Variants in ITGA6 observed in about 807,000 individuals in gnomAD.
The protein encoded by ITGA6 is integrin alpha-6.
ITGA6 carries 63 observed loss-of-function variants against 133.6 expected under a neutral mutation model. The ratio of observed to expected loss-of-function variants is 0.47; its 90% CI spans 0.38 to 0.58. The LOEUF is 0.58. Among genes scored for constraint, ITGA6 ranks in the 20% least tolerant of loss-of-function variants. The pLI is 0.00. For missense variants in ITGA6, 1,068 were observed against 1,309.4 expected (o/e 0.82, Z 2.85); for synonymous variants, 434 against 482.0 (o/e 0.90, Z 1.30).
chr2:172,443,829 G>A (rs79289971), intron 1 of ITGA6, among the ~76,000 whole-genome samples: 54 of 152,250 alleles, frequency 3.5e-4, no homozygotes, highest in African/African-American at 1.2e-3. Flanking sequence ...GCTGGAGTAC[G>A]AGTGGTGCAC....
At chr2:172,455,308 C>T (rs1033203224) in intron 1 of ITGA6, among the ~76,000 whole-genome samples, 1 of 152,208 alleles carries the variant, frequency 6.6e-6, no homozygotes, top group Non-Finnish European at 1.5e-5. Context: ...TGGAGAGTGG[C>T]TCTTACTAAT....
In ITGA6 at chr2:172,469,130, T is replaced by C; in HGVS notation, c.393T>C (p.Cys131=). Residue 131 remains cysteine, a synonymous_variant, in exon 4 of 26, where the codon TGT becomes TGC. Coordinates refer to ENST00000684293, the MANE Select transcript of ITGA6 (RefSeq NM_000210.4). ...TTTCTTCCATCTGCTTGCAGACATG[T>C]GCTCACCGATATGAAAAAAGGCAGC... ...SQGPGGKVVT[C]AHRYEKRQHV... The C allele has an allele frequency of 6.2e-7, 1 of 1,614,168 alleles. No homozygotes were observed. The highest frequency in any genetic ancestry group is 8.5e-7 in the Non-Finnish European group (1 of 1,180,016).
Position 172,456,020 on chromosome 2 carries a change from A to C in ITGA6, c.183-9519A>C, listed in dbSNP as rs189460522. Among the ~76,000 whole-genome samples, 61 of 152,312 alleles carry C rather than the reference A, an allele frequency of 4.0e-4. 1 individual carries two copies. In the East Asian group the frequency reaches 0.011, roughly 28 times the overall value. On this transcript the variant is annotated intron_variant, in intron 1 of 25. Transcript: ENST00000684293. ...AGGCAGGGAAGTGGGGGGACCCTTA[A>C]CTAAAGAGAGGAGAGTAAAGACTAA...
At position 172,491,525 on chromosome 2, in the gene ITGA6, T is replaced by C; in HGVS notation, c.2988+2T>C. 1 of 1,598,218 alleles carries C rather than the reference T, an allele frequency of 6.3e-7. No individual in the cohort carries two copies. The highest frequency in any genetic ancestry group is 8.6e-7 in the Non-Finnish European group (1 of 1,166,162). ...AGGCTGCCAAATGCAGGCACTCAGG[T>C]GAGAGGTTCCCCAGCTTCATTCAGG... On this transcript the variant is annotated splice_donor_variant, in intron 23 of 25. Coordinates refer to ENST00000684293, the MANE Select transcript of ITGA6 (RefSeq NM_000210.4). LOFTEE classifies it high-confidence loss of function. This position sits in a 1 kb window ranked among gnomAD's most constrained non-coding sequence, Gnocchi z 4.4.
intron 1 of ITGA6, among the ~76,000 whole-genome samples, chr2:172,453,727 T>C (rs1295840293): frequency 6.6e-6 from 1 of 152,232 alleles, no homozygotes; most frequent in Non-Finnish European, 1.5e-5. Flanking sequence ...GGATTTACTT[T>C]AGAAATGGTT....
rs1686062096 is a variant in ITGA6, at chr2:172,474,158, G to C, written c.879G>C (p.Lys293Asn). 1.2e-6 allele frequency: 2 copies of C among 1,613,992 alleles called. No individual in the cohort carries two copies. The highest frequency in any genetic ancestry group is 1.7e-6 in the Non-Finnish European group (2 of 1,180,018). ...ANHSGAVVLL[K>N]RDMKSAHLLP... ...ACAGTGGAGCCGTGGTTTTGCTGAA[G>C]AGAGACATGAAGTCTGCACATCTCC... The change falls in exon 6 of 26, where the codon AAG becomes AAC. Residue 293 changes from lysine (K) to asparagine (N), a missense_variant. Physicochemically the swap from Lys to Asn is moderately conservative, Grantham distance 94. Transcript: ENST00000684293.
In ITGA6 at chr2:172,487,732, C is replaced by G; in HGVS notation, c.2249C>G (p.Thr750Ser). 7 of 1,611,350 alleles carry G rather than the reference C, an allele frequency of 4.3e-6. No homozygotes were observed. Among genetic ancestry groups the G allele is most frequent in the Non-Finnish European group, 5.1e-6 (6 of 1,177,628 alleles). ...GNPFKRNSNV[T>S]FYLVLSTTEV... The stretch of plus-strand genomic sequence containing the variant: ...CAGCTATTTATGTTTTTTTAGGTCA[C>G]TTTTTATTTGGTTTTAAGTACAACT... Residue 750 changes from threonine (T) to serine (S), a missense_variant, in exon 17 of 26, where the codon ACT becomes AGT. Physicochemically the swap from Thr to Ser is moderately conservative, Grantham distance 58. Transcript: ENST00000684293.
At chr2:172,493,721 G>A (rs1687014749) in intron 23 of ITGA6, among the ~76,000 whole-genome samples, 1 of 152,130 alleles carries the variant, frequency 6.6e-6, no homozygotes, top group Non-Finnish European at 1.5e-5. Flanking sequence ...TAAGAAAACT[G>A]AATCCAAGGA....
chr2:172,474,325 A>G, intron 6 of ITGA6, 60 bp downstream of exon 6: 1 of 1,443,766 alleles, frequency 6.9e-7, no homozygotes, highest in Non-Finnish European at 9.7e-7. Context: ...TAGCTTCTAT[A>G]CGACTGGAGA....
At chr2:172,447,853 C>T (rs559141898) in intron 1 of ITGA6, among the ~76,000 whole-genome samples, 2 of 152,082 alleles carry the variant, frequency 1.3e-5, no homozygotes, top group South Asian at 2.1e-4. Flanking sequence ...TTTTTTCCCC[C>T]GGTACGTGGT....
At chr2:172,500,545 G>C (rs1311607392) in intron 24 of ITGA6, among the ~76,000 whole-genome samples, 1 of 152,216 alleles carries the variant, frequency 6.6e-6, no homozygotes, top group African/African-American at 2.4e-5. Context: ...CAGGAGAATG[G>C]TGTGAACCTG....
intron 1 of ITGA6, among the ~76,000 whole-genome samples, chr2:172,428,798 A>G (rs3115743): frequency 0.23 from 35,445 of 152,132 alleles, 4,235 homozygotes; most frequent in South Asian, 0.39. Flanking sequence ...TAAACCTCCC[A>G]GGAGAAAGAG....
chr2:172,489,336 TG>T, intron 19 of ITGA6, 148 bp from the exon 20 acceptor site: 1 of 648,718 alleles, frequency 1.5e-6, no homozygotes, highest in Non-Finnish European at 2.7e-6. Flanking sequence ...TTATTTTGAA[TG>T]CCCTATCTAT....
intron 7 of ITGA6, 105 bp downstream of exon 7, chr2:172,475,227 G>C: frequency 1.2e-6 from 1 of 821,236 alleles, no homozygotes; most frequent in Non-Finnish European, 2.1e-6. Flanking sequence ...CAGCACTTTG[G>C]GAGGCTGAGG....
At chr2:172,465,361 G>A (rs1254508854) in intron 1 of ITGA6, 178 bp from the exon 2 acceptor site, 4 of 730,134 alleles carry the variant, frequency 5.5e-6, no homozygotes, top group Non-Finnish European at 9.5e-6. Context: ...TTGTGTTTGT[G>A]CGTTTTGCAT....
rs1298336809 is a variant in ITGA6, at chr2:172,497,572, T to C, written c.2989-403T>C. On this transcript the variant is annotated intron_variant, in intron 23 of 25. Transcript: ENST00000684293. The stretch of plus-strand genomic sequence containing the variant: ...GGTTAGATAGATAGAACAGACTGGC[T>C]GTTAGATCTATTTAACTGGGTATCT... Among the ~76,000 whole-genome samples, 3 of 152,000 alleles carry C rather than the reference T, an allele frequency of 2.0e-5. No homozygotes were observed. In the East Asian group the frequency reaches 5.8e-4, roughly 29 times the overall value.
At chr2:172,438,103 C>A (rs139161683) in intron 1 of ITGA6, among the ~76,000 whole-genome samples, 1 of 151,718 alleles carries the variant, frequency 6.6e-6, no homozygotes, top group African/African-American at 2.4e-5. Flanking sequence ...AGAGCCATGG[C>A]AACAACTGTA....
intron 19 of ITGA6, 71 bp downstream of exon 19, chr2:172,488,299 C>G: frequency 2.1e-6 from 2 of 961,064 alleles, no homozygotes; most frequent in Non-Finnish European, 3.4e-6. Context: ...TTGAGTATGT[C>G]ATTTTAATAA....
At chr2:172,499,768 C>T (rs936548150) in intron 24 of ITGA6, among the ~76,000 whole-genome samples, 7 of 152,170 alleles carry the variant, frequency 4.6e-5, no homozygotes, top group Admixed American at 4.6e-4. Context: ...AGAGCATTGG[C>T]AGCCTTTAAT....
Sources: allele counts gnomAD v4.1 joint callset (sites outside exome capture counted in the v4.1 genomes callset), GRCh38; gene constraint gnomAD v4.1.1; non-coding constraint Gnocchi (gnomAD v3.1); transcripts MANE v1.5; gene names NCBI Gene and HGNC (gene_info 2026-07-23, HGNC 2026-07-21).